ATRN: variants seen among roughly 807,000 people sequenced by gnomAD.
ATRN encodes attractin.
ATRN carries 54 observed loss-of-function variants against 178.7 expected under a neutral mutation model. The ratio of observed to expected loss-of-function variants is 0.30; its 90% CI spans 0.24 to 0.38. The LOEUF (loss-of-function observed/expected upper bound fraction) is 0.38, where lower values mean the gene tolerates loss of function less well. Ranked by LOEUF, ATRN falls within the 10% of genes least tolerant of loss-of-function variation. The pLI is 1.00. For synonymous variants in ATRN, 636 were observed against 663.0 expected, an observed-to-expected ratio of 0.96 and a Z score of 0.63; for missense variants, 1,443 against 1,815.1, an observed-to-expected ratio of 0.79 and a Z score of 3.73.
At chr20:3,589,495 T>G (rs1291544782) in intron 18 of ATRN, among the ~76,000 whole-genome samples, 1 of 152,310 alleles carries the variant, frequency 6.6e-6, no homozygotes, top group South Asian at 2.1e-4. Flanking sequence ...CCTTATTGAA[T>G]GTACTAAAAT....
rs2086145194 is a variant in ATRN, at chr20:3,572,786, T to C, written c.1927T>C (p.Phe643Leu). ...NSLLLSDILV[F>L]TSEQCDAHRS... The stretch of plus-strand genomic sequence containing the variant: ...TCTCCTCCTCAGCGACATCCTGGTA[T>C]TCACCTCGGAACAGTGTGATGCGCA... The change falls in exon 12 of 29, where the codon TTC becomes CTC. Residue 643 changes from phenylalanine to leucine, a missense_variant. Transcript: ENST00000262919. The C allele has an allele frequency of 6.2e-7, 1 of 1,614,044 alleles. No homozygotes were observed. Among genetic ancestry groups the C allele is most frequent in the African/African-American group, 1.3e-5 (1 of 74,934 alleles).
Position 3,572,774 on chromosome 20 carries a change from G to T in ATRN, c.1915G>T (p.Asp639Tyr). Residue 639 changes from aspartate to tyrosine, a missense_variant, in exon 12 of 29, where the codon GAC (aspartate) becomes TAC (tyrosine). Asp to Tyr is a radical substitution (Grantham distance 160, BLOSUM62 -3). Transcript: ENST00000262919. Reference protein sequence around the residue: ...FGGFNSLLLSDILVFTSEQCD... With the variant: ...FGGFNSLLLSYILVFTSEQCD... ...TGGTTTCAATAGTCTCCTCCTCAGC[G>T]ACATCCTGGTATTCACCTCGGAACA... The T allele has an allele frequency of 6.2e-7, 1 of 1,613,828 alleles. No homozygotes were observed. The highest frequency in any genetic ancestry group is 1.1e-5 in the South Asian group (1 of 91,062).
At chr20:3,509,022 G>GA (rs911569234) in intron 1 of ATRN, among the ~76,000 whole-genome samples, 1 of 151,562 alleles carries the variant, frequency 6.6e-6, no homozygotes, top group African/African-American at 2.4e-5. Flanking sequence ...AGTTTATAAA[G>GA]AAAAAAATGG....
chr20:3,529,741 G>A (rs117218199), intron 1 of ATRN, among the ~76,000 whole-genome samples: 3 of 152,246 alleles, frequency 2.0e-5, no homozygotes, highest in Non-Finnish European at 4.4e-5. Context: ...GTATACATTT[G>A]TCAAAGCTTA....
chr20:3,524,873 G>A (rs117843142), intron 1 of ATRN, among the ~76,000 whole-genome samples: 2 of 152,070 alleles, frequency 1.3e-5, no homozygotes, highest in Non-Finnish European at 2.9e-5. Flanking sequence ...ACAAAGACAC[G>A]ACATACCAGA....
intron 3 of ATRN, among the ~76,000 whole-genome samples, chr20:3,543,233 T>G (rs916508674): frequency 1.3e-5 from 2 of 152,240 alleles, no homozygotes; most frequent in Admixed American, 1.3e-4. Context: ...ATCTGTTGTT[T>G]TTCTAATGTG....
chr20:3,559,900 G>A (rs1779130798), intron 7 of ATRN, among the ~76,000 whole-genome samples: 1 of 152,100 alleles, frequency 6.6e-6, no homozygotes, highest in South Asian at 2.1e-4. Flanking sequence ...ATTCATGTGA[G>A]GAAGTCCAAG....
At chr20:3,616,951 AT>A (rs11087591) in intron 24 of ATRN, among the ~76,000 whole-genome samples, 95,234 of 151,744 alleles carry the variant, frequency 0.63, 30,562 homozygotes, top group East Asian at 0.98. Flanking sequence ...CAAGGATCGC[AT>A]TTTTATCCCT....
At chr20:3,643,910 A>G (rs2087088025) in intron 27 of ATRN, among the ~76,000 whole-genome samples, 1 of 152,212 alleles carries the variant, frequency 6.6e-6, no homozygotes, top group East Asian at 1.9e-4. Context: ...CTACAGTTCA[A>G]GCAGCCCTCT....
At chr20:3,479,027 G>C (rs1033503610) in intron 1 of ATRN, among the ~76,000 whole-genome samples, 1 of 151,142 alleles carries the variant, frequency 6.6e-6, no homozygotes, top group Non-Finnish European at 1.5e-5. Context: ...CTCCCAAGTG[G>C]CTGGGATCAC....
intron 1 of ATRN, among the ~76,000 whole-genome samples, chr20:3,519,714 C>G (rs2085262116): frequency 6.6e-6 from 1 of 152,120 alleles, no homozygotes; most frequent in Non-Finnish European, 1.5e-5. Flanking sequence ...CAGAAACTAT[C>G]TGTATCTCCA....
chr20:3,590,165 G>C (rs1228675913), intron 18 of ATRN, among the ~76,000 whole-genome samples: 1 of 152,178 alleles, frequency 6.6e-6, no homozygotes, highest in Non-Finnish European at 1.5e-5. Flanking sequence ...TGGCCAGGCT[G>C]ATCTCGAACT....
Position 3,575,822 on chromosome 20 carries a change from T to C in ATRN, c.2093-5T>C. 1 of 1,602,364 alleles carries C rather than the reference T, an allele frequency of 6.2e-7. No homozygotes were observed. Among genetic ancestry groups the C allele is most frequent in the South Asian group, 1.1e-5 (1 of 87,978 alleles). On this transcript the variant is annotated splice_region_variant and splice_polypyrimidine_tract_variant and intron_variant, in intron 12 of 28. Transcript: ENST00000262919. ...CCAGTTCATGAGATTTTGTTTTCTTTGCAGCTCTTGACCATGACAGATGTG... is the reference window on the plus strand; with the variant it reads ...CCAGTTCATGAGATTTTGTTTTCTTCGCAGCTCTTGACCATGACAGATGTG...
chr20:3,515,028 C>T (rs984226874), intron 1 of ATRN, among the ~76,000 whole-genome samples: 2 of 152,156 alleles, frequency 1.3e-5, no homozygotes, highest in African/African-American at 4.8e-5. Context: ...GGATAACTAT[C>T]ACACTGTGTG....
chr20:3,592,589 G>T (rs1213308185), intron 19 of ATRN: 1 of 659,478 alleles, frequency 1.5e-6, no homozygotes, highest in East Asian at 1.4e-4. Context: ...ACTTTTCAAA[G>T]TTCTGAGCAG....
intron 1 of ATRN, among the ~76,000 whole-genome samples, chr20:3,485,978 G>T (rs1174416639): frequency 1.3e-5 from 2 of 152,042 alleles, no homozygotes; most frequent in African/African-American, 4.8e-5. Flanking sequence ...GATTTTGTCT[G>T]TTGTTTTATT....
At position 3,632,271 on chromosome 20, in the gene ATRN, C is replaced by G. The variant is rs949896737; in HGVS notation, c.3864-2040C>G. ...TAGACTGCTGGTCTCCCTGATAATG[C>G]CATTGCACCTCTAATGGTTTTCTCA... is the stretch of plus-strand genomic sequence containing the variant. On this transcript the variant is annotated intron_variant, in intron 25 of 28. Transcript: ENST00000262919. This position sits in a 1 kb window ranked among gnomAD's most constrained non-coding sequence, Gnocchi z 4.2. Among the ~76,000 whole-genome samples, 12 of 152,198 alleles carry G rather than the reference C, an allele frequency of 7.9e-5. No individual in the cohort carries two copies. Among genetic ancestry groups the G allele is most frequent in the Non-Finnish European group, 1.6e-4 (11 of 68,044 alleles).
chr20:3,568,948 T>C (rs2086076570), intron 11 of ATRN, among the ~76,000 whole-genome samples: 1 of 152,100 alleles, frequency 6.6e-6, no homozygotes. Context: ...AGATACATCA[T>C]GGAAGGGACA....
chr20:3,621,868 A>G (rs944168863), intron 24 of ATRN, among the ~76,000 whole-genome samples: 1 of 151,744 alleles, frequency 6.6e-6, no homozygotes, highest in Non-Finnish European at 1.5e-5. Flanking sequence ...TAAAAGAAAA[A>G]AAAATCAGAT....
Sources: allele counts gnomAD v4.1 joint callset (sites outside exome capture counted in the v4.1 genomes callset), GRCh38; gene constraint gnomAD v4.1.1; non-coding constraint Gnocchi (gnomAD v3.1); transcripts MANE v1.5; gene names NCBI Gene and HGNC (gene_info 2026-07-23, HGNC 2026-07-21).